The following DLG2 variants were observed in gnomAD, a reference collection of about 807,000 sequenced individuals.
DLG2 encodes discs large MAGUK scaffold protein 2, also known as disks large homolog 2.
DLG2 carries 45 observed loss-of-function variants against 132.5 expected under a neutral mutation model. The observed-to-expected ratio is 0.34, with a 90% CI of 0.27 to 0.44. The LOEUF (loss-of-function observed/expected upper bound fraction) is 0.44. Ranked by LOEUF, DLG2 falls within the 20% of genes least tolerant of loss-of-function variation. The pLI is 1.00. For synonymous variants in DLG2, 424 were observed against 419.6 expected, an observed-to-expected ratio of 1.01 and a Z score of -0.13; for missense variants, 1,045 against 1,196.9, an observed-to-expected ratio of 0.87 and a Z score of 1.87.
intron 17 of DLG2, among the ~76,000 whole-genome samples, chr11:83,828,580 A>T (rs1337261332): frequency 6.6e-6 from 1 of 152,192 alleles, no homozygotes; most frequent in Non-Finnish European, 1.5e-5. Context: ...TGTACAAATG[A>T]ACCTATTACA....
chr11:84,208,548 T>C (rs1399572737), intron 8 of DLG2, among the ~76,000 whole-genome samples: 1 of 152,062 alleles, frequency 6.6e-6, no homozygotes, highest in African/African-American at 2.4e-5. Context: ...TTCACCATGT[T>C]AGCCAGGCTG....
chr11:84,150,846 C>A (rs536349963), intron 9 of DLG2, among the ~76,000 whole-genome samples: 1 of 152,204 alleles, frequency 6.6e-6, no homozygotes, highest in Admixed American at 6.5e-5. Context: ...AAAGCTTTTT[C>A]TAAATCTATT....
chr11:83,579,389 G>A (rs1378996706), intron 19 of DLG2, among the ~76,000 whole-genome samples: 1 of 152,182 alleles, frequency 6.6e-6, no homozygotes, highest in Non-Finnish European at 1.5e-5. Context: ...CCATGCCTTA[G>A]ACTACGTAGC....
intron 6 of DLG2, among the ~76,000 whole-genome samples, chr11:84,653,169 A>C (rs998012110): frequency 2.6e-5 from 4 of 152,124 alleles, no homozygotes; most frequent in Admixed American, 6.5e-5. Flanking sequence ...ACCTCAAGTG[A>C]TCTTCCTGCC....
intron 7 of DLG2, among the ~76,000 whole-genome samples, chr11:84,377,849 T>C (rs1035696893): frequency 1.3e-5 from 2 of 152,184 alleles, no homozygotes; most frequent in Non-Finnish European, 2.9e-5. Flanking sequence ...AACTAAATAC[T>C]GAAGCCACCA....
chr11:84,035,336 T>TC (rs1448184436), intron 11 of DLG2, among the ~76,000 whole-genome samples: 1 of 152,166 alleles, frequency 6.6e-6, no homozygotes, highest in Non-Finnish European at 1.5e-5. Flanking sequence ...TTTTCTACCC[T>TC]CCTAGAGCTT....
intron 18 of DLG2, among the ~76,000 whole-genome samples, chr11:83,728,286 G>A (rs1012626202): frequency 7.9e-5 from 12 of 152,114 alleles, no homozygotes; most frequent in Non-Finnish European, 1.6e-4. Flanking sequence ...CAACTAAAGC[G>A]CAAAGCCCAT....
At chr11:83,736,495 T>C (rs1184445977) in intron 18 of DLG2, among the ~76,000 whole-genome samples, 7 of 152,162 alleles carry the variant, frequency 4.6e-5, no homozygotes, top group South Asian at 4.1e-4. Context: ...CTTGGCAAGA[T>C]TGGCTATTTA....
At chr11:85,081,822 C>T (rs1223558695) in intron 6 of DLG2, among the ~76,000 whole-genome samples, 2 of 152,150 alleles carry the variant, frequency 1.3e-5, no homozygotes, top group Non-Finnish European at 2.9e-5. Flanking sequence ...TTTCCTCCAT[C>T]CTTCTGTATA....
chr11:84,382,060 A>G (rs755078740), intron 7 of DLG2, among the ~76,000 whole-genome samples: 6 of 152,180 alleles, frequency 3.9e-5, no homozygotes, highest in Non-Finnish European at 7.4e-5. Flanking sequence ...TTGGGCAGAC[A>G]GAAAGACAAT....
intron 10 of DLG2, among the ~76,000 whole-genome samples, chr11:84,072,183 A>AT (rs1220587336): frequency 2.0e-5 from 3 of 152,336 alleles, no homozygotes; most frequent in Admixed American, 6.5e-5. Context: ...GCCTTTTTGG[A>AT]TAAAGCCAAA....
At chr11:84,380,987 G>C (rs1034049337) in intron 7 of DLG2, among the ~76,000 whole-genome samples, 3 of 151,774 alleles carry the variant, frequency 2.0e-5, no homozygotes, top group African/African-American at 7.3e-5. Flanking sequence ...GTCCCTTAAA[G>C]TTATGCGAAA....
In DLG2 at chr11:83,844,547, C is replaced by CAA. The variant is rs59755957; in HGVS notation, c.1566-10779_1566-10778dup. On this transcript the variant is annotated intron_variant, in intron 16 of 27. Transcript: ENST00000376104. ...TAGGCAACAGAGTGAGAGTCTGTAT[C>CAA]AAAAAAAAAAAAAAAAAAAAAAAGG... Among the ~76,000 whole-genome samples the CAA allele has an allele frequency of 1.6e-3, 113 of 70,604 alleles. 7 individuals carry two copies. Among genetic ancestry groups the CAA allele is most frequent in the African/African-American group, 3.5e-3 (64 of 18,102 alleles). 46.3% of individuals were successfully genotyped at this position (70,604 alleles called of 152,430 possible).
intron 6 of DLG2, among the ~76,000 whole-genome samples, chr11:84,697,355 C>A (rs531858592): frequency 1.3e-5 from 2 of 151,572 alleles, no homozygotes; most frequent in African/African-American, 4.8e-5. Context: ...CCAATCTCTT[C>A]CTAAGAATAC....
intron 6 of DLG2, among the ~76,000 whole-genome samples, chr11:84,645,230 C>A (rs1028393097): frequency 6.6e-6 from 1 of 152,156 alleles, no homozygotes; most frequent in African/African-American, 2.4e-5. Context: ...TTGAACGTCT[C>A]TGAACCTCAA....
At chr11:84,903,841 T>C (rs1394693175) in intron 6 of DLG2, among the ~76,000 whole-genome samples, 3 of 152,122 alleles carry the variant, frequency 2.0e-5, no homozygotes, top group Admixed American at 1.3e-4. Flanking sequence ...GCAAGTTACA[T>C]CCACCTCAGA....
At chr11:83,871,972 T>C (rs1367748598) in intron 16 of DLG2, among the ~76,000 whole-genome samples, 1 of 152,040 alleles carries the variant, frequency 6.6e-6, no homozygotes, top group Non-Finnish European at 1.5e-5. Flanking sequence ...TTTTTAAAAA[T>C]TGGTGAGTTT....
intron 17 of DLG2, among the ~76,000 whole-genome samples, chr11:83,796,640 G>A (rs2042891597): frequency 6.6e-6 from 1 of 152,158 alleles, no homozygotes; most frequent in African/African-American, 2.4e-5. Context: ...ACTCAGATAA[G>A]TGATTGTGAG....
chr11:84,687,210 G>A (rs995769789), intron 6 of DLG2: 1 of 151,996 alleles, frequency 6.6e-6, no homozygotes, highest in Non-Finnish European at 1.5e-5. Context: ...GACATACTTG[G>A]TCCAAATTCT....
Sources: gnomAD v4.1 joint callset for allele counts (sites outside exome capture counted in the v4.1 genomes callset) on GRCh38, gnomAD v4.1.1 for gene constraint, MANE v1.5 for transcripts, NCBI Gene and HGNC (gene_info 2026-07-23, HGNC 2026-07-21) for gene names.